The following PTPRR variants were observed in gnomAD, a reference collection of about 807,000 sequenced individuals.
The protein encoded by PTPRR is receptor-type tyrosine-protein phosphatase R.
A neutral mutation model predicts 77.2 loss-of-function variants in PTPRR; 38 were observed. The ratio of observed to expected loss-of-function variants is 0.49; its 90% CI spans 0.38 to 0.65. The LOEUF is 0.65. Among genes scored for constraint, PTPRR ranks in the 30% least tolerant of loss-of-function variants. The pLI is 0.00. For synonymous variants in PTPRR, 299 were observed against 283.1 expected (o/e 1.06, Z -0.57); for missense variants, 744 against 799.2 (o/e 0.93, Z 0.83).
intron 2 of PTPRR, among the ~76,000 whole-genome samples, chr12:70,823,544 G>GTTTT: frequency 6.6e-6 from 1 of 152,112 alleles, no homozygotes; most frequent in Middle Eastern, 3.4e-3. Context: ...TTTTTGTTTT[G>GTTTT]TTTTGTTTTT....
At chr12:70,847,971 T>C (rs1892512260) in intron 2 of PTPRR, among the ~76,000 whole-genome samples, 2 of 152,332 alleles carry the variant, frequency 1.3e-5, no homozygotes, top group African/African-American at 4.8e-5. Flanking sequence ...ATCCCCTTCA[T>C]CTTTTCCCTG....
chr12:70,884,673 C>G (rs927003894), intron 2 of PTPRR, among the ~76,000 whole-genome samples: 8 of 151,484 alleles, frequency 5.3e-5, no homozygotes, highest in African/African-American at 1.9e-4. Flanking sequence ...CGAGACCATC[C>G]TGGCTAACAC....
At chr12:70,736,313 T>C (rs2136901551) in intron 6 of PTPRR, among the ~76,000 whole-genome samples, 1 of 152,320 alleles carries the variant, frequency 6.6e-6, no homozygotes, top group South Asian at 2.1e-4. Flanking sequence ...AAGCCAAGCA[T>C]AAAATTTGCT....
At chr12:70,730,648 C>A (rs1027611181) in intron 6 of PTPRR, among the ~76,000 whole-genome samples, 1 of 151,952 alleles carries the variant, frequency 6.6e-6, no homozygotes, top group Non-Finnish European at 1.5e-5. Flanking sequence ...GCTAGTGAGA[C>A]CCCCATCTCT....
intron 2 of PTPRR, among the ~76,000 whole-genome samples, chr12:70,821,661 C>G (rs1431351601): frequency 6.6e-6 from 1 of 150,726 alleles, no homozygotes; most frequent in African/African-American, 2.5e-5. Context: ...TATGTATGTA[C>G]GTATGTATTT....
chr12:70,728,510 C>A (rs1889535395), intron 6 of PTPRR, among the ~76,000 whole-genome samples: 1 of 103,160 alleles, frequency 9.7e-6, no homozygotes. Context: ...ATGTATATGG[C>A]AAATATTCCA....
chr12:70,917,536 A>C (rs1470090716), intron 1 of PTPRR, among the ~76,000 whole-genome samples: 1 of 152,152 alleles, frequency 6.6e-6, no homozygotes, highest in East Asian at 1.9e-4. Flanking sequence ...CAGCTTCTCT[A>C]ACAAGAACCA....
chr12:70,696,128 C>T (rs78166899), intron 8 of PTPRR, among the ~76,000 whole-genome samples: 5,236 of 152,092 alleles, frequency 0.034, 130 homozygotes, highest in Non-Finnish European at 0.05. Flanking sequence ...TTTGCCAAAA[C>T]TCCAACTATA....
chr12:70,892,348 C>T (rs1893352027), intron 2 of PTPRR, among the ~76,000 whole-genome samples: 1 of 151,984 alleles, frequency 6.6e-6, no homozygotes, highest in Non-Finnish European at 1.5e-5. Context: ...CAGATTCTCA[C>T]AGAAGGTAGG....
intron 2 of PTPRR, among the ~76,000 whole-genome samples, chr12:70,798,990 T>C (rs567917799): frequency 3.0e-4 from 46 of 152,060 alleles, no homozygotes; most frequent in Non-Finnish European, 1.5e-4. Context: ...TAATAAAAAG[T>C]GTAAAGAAAT....
chr12:70,843,379 C>A (rs1892428905), intron 2 of PTPRR, among the ~76,000 whole-genome samples: 1 of 152,156 alleles, frequency 6.6e-6, no homozygotes, highest in South Asian at 2.1e-4. Context: ...ATGTAAATGG[C>A]TAATATTTAT....
intron 6 of PTPRR, among the ~76,000 whole-genome samples, chr12:70,713,991 G>A (rs553456476): frequency 5.9e-5 from 9 of 152,210 alleles, no homozygotes; most frequent in African/African-American, 2.2e-4. Flanking sequence ...GTGAAGCAGA[G>A]CAACCCTCCT....
At chr12:70,785,423 T>C (rs1241916682) in intron 2 of PTPRR, among the ~76,000 whole-genome samples, 1 of 152,174 alleles carries the variant, frequency 6.6e-6, no homozygotes, top group East Asian at 1.9e-4. Flanking sequence ...AACTTTTCTT[T>C]CATGTGCAGA....
chr12:70,857,894 G>GTT (rs1892680606), intron 2 of PTPRR, among the ~76,000 whole-genome samples: 1 of 152,148 alleles, frequency 6.6e-6, no homozygotes, highest in African/African-American at 2.4e-5. Flanking sequence ...TAAGCCAGAA[G>GTT]TTGGGGCATT....
In PTPRR at chr12:70,900,024, C is replaced by T. The variant is rs190941181; in HGVS notation, c.59-7047G>A. 3.3e-5 allele frequency among the ~76,000 whole-genome samples: 5 copies of T among 151,392 alleles called. No homozygotes were observed. In the East Asian group the frequency reaches 9.7e-4, roughly 29 times the overall value. On this transcript the variant is annotated intron_variant, in intron 1 of 13. Transcript: ENST00000283228. ...ACTATAAAATGTTGAACAAAGAAAT[C>T]AGAGACGACCTAAATAAACAACAAA...
chr12:70,805,549 T>G (rs1181049543), intron 2 of PTPRR, among the ~76,000 whole-genome samples: 7 of 152,100 alleles, frequency 4.6e-5, no homozygotes, highest in Non-Finnish European at 1.0e-4. Context: ...TGTGCAGAGA[T>G]AGAGTCTGCC....
At chr12:70,653,941 T>C (rs967564011) in intron 13 of PTPRR, among the ~76,000 whole-genome samples, 3 of 151,840 alleles carry the variant, frequency 2.0e-5, no homozygotes, top group African/African-American at 7.3e-5. Context: ...GAAACAAACA[T>C]AGTAGAAAAC....
At chr12:70,904,061 T>C (rs1893583106) in intron 1 of PTPRR, among the ~76,000 whole-genome samples, 1 of 151,878 alleles carries the variant, frequency 6.6e-6, no homozygotes, top group African/African-American at 2.4e-5. Flanking sequence ...AATGTACTAA[T>C]AATACTGGAG....
chr12:70,865,106 C>T (rs1034689353), intron 2 of PTPRR, among the ~76,000 whole-genome samples: 1 of 152,124 alleles, frequency 6.6e-6, no homozygotes, highest in Admixed American at 6.5e-5. Context: ...AGCCATTGTG[C>T]CCGACCGAGA....
Sources: gnomAD v4.1 joint callset for allele counts (sites outside exome capture counted in the v4.1 genomes callset) on GRCh38, gnomAD v4.1.1 for gene constraint, MANE v1.5 for transcripts, NCBI Gene and HGNC (gene_info 2026-07-23, HGNC 2026-07-21) for gene names.